PRKCZ: variants seen among roughly 807,000 people sequenced by gnomAD.
PRKCZ encodes the protein protein kinase C zeta type.
In PRKCZ, 33 loss-of-function variants were observed where a neutral mutation model predicts 79.5. That is an observed-to-expected ratio of 0.41 (90% CI 0.31 to 0.55). The LOEUF is 0.55. PRKCZ is among the 20% of genes least tolerant of loss of function. PRKCZ has a pLI of 0.19. For missense variants in PRKCZ, 578 were observed against 813.5 expected, an observed-to-expected ratio of 0.71 and a Z score of 3.52; for synonymous variants, 342 against 320.9, an observed-to-expected ratio of 1.07 and a Z score of -0.70.
At chr1:2,110,850 G>A (rs995566809) in intron 4 of PRKCZ, among the ~76,000 whole-genome samples, 6 of 152,076 alleles carry the variant, frequency 3.9e-5, no homozygotes, top group African/African-American at 1.4e-4. Flanking sequence ...GTAGGGGCTG[G>A]TGACAGTGGA....
At chr1:2,065,085 G>C (rs1035560991) in intron 4 of PRKCZ, among the ~76,000 whole-genome samples, 1 of 152,038 alleles carries the variant, frequency 6.6e-6, no homozygotes, top group Non-Finnish European at 1.5e-5. Flanking sequence ...ATTCCTAAAC[G>C]TTTTATTCTT....
intron 4 of PRKCZ, among the ~76,000 whole-genome samples, chr1:2,112,041 G>C (rs1669842853): frequency 6.6e-6 from 1 of 152,178 alleles, no homozygotes; most frequent in South Asian, 2.1e-4. Flanking sequence ...TCATTTTCAT[G>C]AATCTGCTGT....
Position 2,173,441 on chromosome 1 carries a change from C to A in PRKCZ, c.1286-456C>A, listed in dbSNP as rs559763495. On this transcript the variant is annotated intron_variant, in intron 13 of 17. Transcript: ENST00000378567. This position sits in a 1 kb window ranked among gnomAD's most constrained non-coding sequence, Gnocchi z 5.7. ...CAAAACGGGTCAGGGTCTCCCACCC[C>A]TCATTCGCTGGAACACATTCCCAAC... 6.6e-6 allele frequency among the ~76,000 whole-genome samples: 1 copy of A among 152,346 alleles called. No homozygotes were observed. Among genetic ancestry groups the A allele is most frequent in the East Asian group, 1.9e-4 (1 of 5,188 alleles).
chr1:2,115,436 C>T (rs1050149847), intron 4 of PRKCZ, among the ~76,000 whole-genome samples: 1 of 152,266 alleles, frequency 6.6e-6, no homozygotes, highest in African/African-American at 2.4e-5. Context: ...GCACTCTGCA[C>T]TGTGTTTCTG....
Position 2,127,794 on chromosome 1 carries a change from G to T in PRKCZ, c.335-7468G>T, listed in dbSNP as rs749548539. On this transcript the variant is annotated intron_variant, in intron 4 of 17. Coordinates refer to ENST00000378567, the MANE Select transcript of PRKCZ (RefSeq NM_002744.6). This position sits in a 1 kb window ranked among gnomAD's most constrained non-coding sequence, Gnocchi z 5.1. ...CCAGTGCCCACTATAGAGGGTGCAGGTCAGTTTGTGGACCAATGGCCAACC... is the reference window on the plus strand; with the variant it reads ...CCAGTGCCCACTATAGAGGGTGCAGTTCAGTTTGTGGACCAATGGCCAACC... Among the ~76,000 whole-genome samples, 4 of 152,370 alleles carry T rather than the reference G, an allele frequency of 2.6e-5. No homozygotes were observed. The highest frequency in any genetic ancestry group is 5.9e-5 in the Non-Finnish European group (4 of 68,042).
At chr1:2,103,250 G>A (rs779389321) in intron 4 of PRKCZ, among the ~76,000 whole-genome samples, 1 of 152,142 alleles carries the variant, frequency 6.6e-6, no homozygotes, top group Non-Finnish European at 1.5e-5. Flanking sequence ...GTTCTCACCC[G>A]GCCTTGTTCT....
intron 4 of PRKCZ, among the ~76,000 whole-genome samples, chr1:2,066,844 C>T (rs569951652): frequency 1.6e-4 from 24 of 152,160 alleles, no homozygotes; most frequent in Non-Finnish European, 2.2e-4. Flanking sequence ...TCACTTGAGG[C>T]CAGGAGTTGG....
chr1:2,158,691 T>TA (rs1681603267), intron 10 of PRKCZ, among the ~76,000 whole-genome samples: 1 of 152,216 alleles, frequency 6.6e-6, no homozygotes. Flanking sequence ...TGTAGATGTA[T>TA]AAGGGGTCCG....
In PRKCZ at chr1:2,173,336, G is replaced by T. The variant is rs767200107; in HGVS notation, c.1286-561G>T. On this transcript the variant is annotated intron_variant, in intron 13 of 17. Coordinates refer to ENST00000378567, the MANE Select transcript of PRKCZ (RefSeq NM_002744.6). The surrounding 1 kb of genome is among the most constrained non-coding windows in gnomAD (Gnocchi z 5.7). ...GAACCCAGCTTGGGATGGGGATTCC[G>T]TGTGGGACAGCGGCAGCGTCTCACC... is the stretch of plus-strand genomic sequence containing the variant. Among the ~76,000 whole-genome samples the T allele has an allele frequency of 6.6e-6, 1 of 152,160 alleles. No homozygotes were observed. Among genetic ancestry groups the T allele is most frequent in the African/African-American group, 2.4e-5 (1 of 41,440 alleles).
rs1687319865 is a variant in PRKCZ at position 2,184,812 on chromosome 1, C to T, written c.1692-110C>T. On this transcript the variant is annotated intron_variant, in intron 17 of 17. Coordinates refer to ENST00000378567, the MANE Select transcript of PRKCZ (RefSeq NM_002744.6). ...CCCTTGAGTCCCACCCGCCTGGTGT[C>T]ATCTCTCCAGTGGGCGTTGGGGGAG... The T allele has an allele frequency of 3.6e-6, 5 of 1,375,716 alleles. No homozygotes were observed. The South Asian group carries it at 5.0e-5, about 14-fold the overall frequency. 85.2% of individuals were successfully genotyped at this position (1,375,716 alleles called of 1,614,324 possible).
At chr1:2,061,918 G>A (rs1357065694) in intron 4 of PRKCZ, among the ~76,000 whole-genome samples, 4 of 152,208 alleles carry the variant, frequency 2.6e-5, no homozygotes, top group East Asian at 1.9e-4. Flanking sequence ...TTTAGCGCCT[G>A]TGGGGGTGTT....
At chr1:2,048,615 G>C (rs917729401), upstream of PRKCZ, among the ~76,000 whole-genome samples, 1 of 152,226 alleles carries the variant, frequency 6.6e-6, no homozygotes, top group Non-Finnish European at 1.5e-5. Context: ...CGATGACCCA[G>C]AAAGATGGAG....
intron 5 of PRKCZ, 63 bp from the exon 6 acceptor site, chr1:2,144,147 T>C (rs971734628): frequency 2.0e-6 from 3 of 1,534,850 alleles, no homozygotes; most frequent in Non-Finnish European, 2.6e-6. Flanking sequence ...TGGAAGGCCC[T>C]GCCTGTCCTC....
chr1:2,117,761 A>G (rs1167721689), intron 4 of PRKCZ, among the ~76,000 whole-genome samples: 1 of 152,044 alleles, frequency 6.6e-6, no homozygotes, highest in Non-Finnish European at 1.5e-5. Flanking sequence ...ATGGTGCTGA[A>G]TTTTTTCAGA....
intron 16 of PRKCZ, 124 bp from the exon 17 acceptor site, chr1:2,184,459 C>T (rs1464367901): frequency 1.5e-6 from 1 of 674,202 alleles, no homozygotes; most frequent in African/African-American, 1.8e-5. Flanking sequence ...CAGTCAAATA[C>T]TAGGCAGATT....
intron 1 of PRKCZ, chr1:2,050,918 C>T (rs1027816871): frequency 1.1e-5 from 4 of 372,970 alleles, no homozygotes; most frequent in Admixed American, 9.2e-5. Context: ...CCGGGTTTCC[C>T]TGGGGTCGGC....
At chr1:2,109,743 C>A (rs1427840823) in intron 4 of PRKCZ, among the ~76,000 whole-genome samples, 1 of 152,168 alleles carries the variant, frequency 6.6e-6, no homozygotes, top group Non-Finnish European at 1.5e-5. Flanking sequence ...CATTGTACAG[C>A]CCAGCCTGTA....
chr1:2,184,808 G>A, intron 17 of PRKCZ, 110 bp downstream of exon 17: 1 of 1,376,212 alleles, frequency 7.3e-7, no homozygotes, highest in Non-Finnish European at 1.0e-6. Context: ...CACCCGCCTG[G>A]TGTCATCTCT....
At chr1:2,048,763 A>G (rs745333294), upstream of PRKCZ, among the ~76,000 whole-genome samples, 1 of 152,178 alleles carries the variant, frequency 6.6e-6, no homozygotes, top group Admixed American at 6.6e-5. Context: ...CACAGTTTTA[A>G]AAGCTGCAGA....
Sources: gnomAD v4.1 joint callset for allele counts (sites outside exome capture counted in the v4.1 genomes callset) on GRCh38, gnomAD v4.1.1 for gene constraint, Gnocchi (gnomAD v3.1) non-coding constraint, MANE v1.5 for transcripts, NCBI Gene and HGNC (gene_info 2026-07-23, HGNC 2026-07-21) for gene names.